Variants in TMEM59L observed in about 807,000 individuals in gnomAD.
TMEM59L encodes transmembrane protein 59 like, also known as transmembrane protein 59-like.
Under a neutral mutation model 39.6 loss-of-function variants are expected in TMEM59L, and 31 were observed. That is an observed-to-expected ratio of 0.78 (90% CI 0.59 to 1.06). TMEM59L has a LOEUF of 1.06. Among genes scored for constraint, TMEM59L ranks in the 50% least tolerant of loss-of-function variants. The pLI, the probability that TMEM59L is intolerant of heterozygous loss-of-function variation, is 0.00. For missense variants in TMEM59L, 441 were observed against 451.3 expected (o/e 0.98, Z 0.21); for synonymous variants, 219 against 202.9 (o/e 1.08, Z -0.68).
Position 18,620,617 on chromosome 19 carries a change from G to C in TMEM59L, c.*81G>C. 3 of 1,530,396 alleles carry C rather than the reference G, an allele frequency of 2.0e-6. No individual in the cohort carries two copies. Among genetic ancestry groups the C allele is most frequent in the Non-Finnish European group, 2.6e-6 (3 of 1,139,564 alleles). 94.8% of individuals were successfully genotyped at this position (1,530,396 alleles called of 1,614,324 possible). On this transcript the variant is annotated 3_prime_UTR_variant, in exon 8 of 8. Transcript: ENST00000262817. ...CCTGAGCCCAGGAGTCCAAGGGCAG[G>C]GTGGGTCCAGCCTTGAGCCCCTCCA...
Position 18,613,136 on chromosome 19 carries a change from C to A in TMEM59L, c.171+7C>A. The stretch of plus-strand genomic sequence containing the variant: ...CGGCCCGCAGCCCTCGCAGGTGAGG[C>A]GCGTGCGGTGCCAGGTGCCAGCGGG... On this transcript the variant is annotated splice_region_variant and intron_variant, in intron 1 of 7. Transcript: ENST00000262817. 1.6e-6 allele frequency: 2 copies of A among 1,275,452 alleles called. No homozygotes were observed. The highest frequency in any genetic ancestry group is 2.0e-6 in the Non-Finnish European group (2 of 1,013,814). 79.0% of individuals were successfully genotyped at this position (1,275,452 alleles called of 1,614,324 possible). A position where few individuals can be genotyped will look rare whatever the true frequency, so the allele number is the denominator to read the frequency against.
At position 18,618,391 on chromosome 19, in the gene TMEM59L, C is replaced by T. The variant is rs894311659; in HGVS notation, c.799C>T (p.Arg267Cys). The change falls in exon 7 of 8, where the codon CGC (arginine) becomes TGC (cysteine). Residue 267 changes from arginine (R) to cysteine (C), a missense_variant. Transcript: ENST00000262817. ...SCMSRRSGLP[R>C]WILACCLFLS... is the part of the protein sequence containing the mutation. ...GCGGGGCAGGCGCTCGGGTCTGCCTCGCTGGATCCTGGCCTGCTGCCTCTT... is the reference window on the plus strand; with the variant it reads ...GCGGGGCAGGCGCTCGGGTCTGCCTTGCTGGATCCTGGCCTGCTGCCTCTT... 3.1e-6 allele frequency: 5 copies of T among 1,605,532 alleles called. No homozygotes were observed. The highest frequency in any genetic ancestry group is 1.3e-5 in the African/African-American group (1 of 74,872).
chr19:18,617,575 TCATCTCCTAGGGTCATCTCCTAGGGTC>T, intron 5 of TMEM59L: 1 of 455,422 alleles, frequency 2.2e-6, no homozygotes, highest in Non-Finnish European at 4.4e-6. Flanking sequence ...TTCCATGGGT[TCATCTCCTAGGGTCATCTCCTAGGGTC>T]CATCTCCAAG....
intron 3 of TMEM59L, 119 bp from the exon 4 acceptor site, chr19:18,615,856 C>A: frequency 7.7e-7 from 1 of 1,299,700 alleles, no homozygotes. Context: ...GATCGGCCTG[C>A]CTCAGCCTTC....
intron 4 of TMEM59L, 67 bp downstream of exon 4, chr19:18,616,194 A>T: frequency 6.3e-7 from 1 of 1,588,210 alleles, no homozygotes; most frequent in Non-Finnish European, 8.6e-7. Context: ...GATGGGATGC[A>T]TTGGCTCTTA....
chr19:18,613,814 C>T, intron 1 of TMEM59L, 58 bp from the exon 2 acceptor site: 2 of 1,400,338 alleles, frequency 1.4e-6, no homozygotes, highest in Non-Finnish European at 1.0e-6. Flanking sequence ...GCTCCGGTCC[C>T]CCCACCCTCC....
chr19:18,617,997 A>G (rs891665052), intron 5 of TMEM59L, 158 bp from the exon 6 acceptor site: 2 of 682,582 alleles, frequency 2.9e-6, no homozygotes, highest in Non-Finnish European at 5.2e-6. Flanking sequence ...CCAGGGTTCC[A>G]TGGTCCCTGT....
intron 7 of TMEM59L, among the ~76,000 whole-genome samples, chr19:18,618,704 A>ATT (rs71166534): frequency 6.0e-4 from 83 of 139,152 alleles, no homozygotes; most frequent in Admixed American, 2.0e-3. Flanking sequence ...ATATATATAT[A>ATT]TTTTTTTTGA....
chr19:18,616,446 G>A (rs1421942548), intron 4 of TMEM59L, among the ~76,000 whole-genome samples: 1 of 152,014 alleles, frequency 6.6e-6, no homozygotes, highest in East Asian at 1.9e-4. Context: ...AAGATGGAGT[G>A]CAATGGCATG....
rs1295291726 is a variant in TMEM59L at position 18,620,483 on chromosome 19, T to C, written c.976T>C (p.Cys326Arg). 1 of 1,613,646 alleles carries C rather than the reference T, an allele frequency of 6.2e-7. No homozygotes were observed. Among genetic ancestry groups the C allele is most frequent in the African/African-American group, 1.3e-5 (1 of 74,918 alleles). ...WPLYPPPSHACEDSLPPYKLK... is the reference protein window; with the variant it reads ...WPLYPPPSHAREDSLPPYKLK... ...CCTGTACCCGCCGCCGTCCCACGCCTGTGAGGACAGCCTACCACCCTACAA... is the reference window on the plus strand; with the variant it reads ...CCTGTACCCGCCGCCGTCCCACGCCCGTGAGGACAGCCTACCACCCTACAA... Residue 326 changes from cysteine (C) to arginine (R), a missense_variant, in exon 8 of 8, where the codon TGT (cysteine) becomes CGT (arginine). Coordinates refer to ENST00000262817, the MANE Select transcript of TMEM59L (RefSeq NM_012109.3).
At chr19:18,615,593 C>CTCCTGTTAGTT (rs1976418729) in intron 3 of TMEM59L, among the ~76,000 whole-genome samples, 1 of 152,186 alleles carries the variant, frequency 6.6e-6, no homozygotes, top group Non-Finnish European at 1.5e-5. Context: ...CCTAGCTCCT[C>CTCCTGTTAGTT]TCCTGTTAGT....
Position 18,616,085 on chromosome 19 carries a change from A to G in TMEM59L, c.519A>G (p.Thr173=). The change falls in exon 4 of 8, where the codon ACA becomes ACG. Residue 173 remains threonine (T), a synonymous_variant. Transcript: ENST00000262817. ...SAQGFVSSTW[T]YYLQTDNGKV... ...AGGGATTTGTCTCCTCCACCTGGACATACTACTTGCAGACTGACAATGGGA... is the reference window on the plus strand; with the variant it reads ...AGGGATTTGTCTCCTCCACCTGGACGTACTACTTGCAGACTGACAATGGGA... The G allele has an allele frequency of 6.2e-7, 1 of 1,614,162 alleles. No individual in the cohort carries two copies. Among genetic ancestry groups the G allele is most frequent in the South Asian group, 1.1e-5 (1 of 91,084 alleles).
chr19:18,613,100 G>T lies in TMEM59L; in HGVS notation c.142G>T (p.Asp48Tyr). The change falls in exon 1 of 8, where the codon GAC becomes TAC. Residue 48 changes from aspartate to tyrosine, a missense_variant. Coordinates refer to ENST00000262817, the MANE Select transcript of TMEM59L (RefSeq NM_012109.3). ...GCAGAACTGCCAGCTGCGGTGCCGC[G>T]ACCGCGACCTCGGCCCGCAGCCCTC... Reference protein sequence around the residue: ...DTQNCQLRCRDRDLGPQPSQA... With the variant: ...DTQNCQLRCRYRDLGPQPSQA... 1 of 1,319,750 alleles carries T rather than the reference G, an allele frequency of 7.6e-7. No homozygotes were observed. The highest frequency in any genetic ancestry group is 9.6e-7 in the Non-Finnish European group (1 of 1,038,488). The allele number at this position is 1,319,750 out of a possible 1,614,324, so 81.8% of individuals were successfully genotyped here.
chr19:18,617,297 TCAGGGTTCCGTGGTCTACTTCC>T (rs1436587175), intron 5 of TMEM59L, 195 bp downstream of exon 5: 1 of 664,554 alleles, frequency 1.5e-6, no homozygotes, highest in Admixed American at 2.1e-5. Context: ...GGTCCACTTC[TCAGGGTTCCGTGGTCTACTTCC>T]CAGGGTTCCG....
intron 7 of TMEM59L, among the ~76,000 whole-genome samples, chr19:18,619,034 C>T (rs1976465628): frequency 6.6e-6 from 1 of 151,624 alleles, no homozygotes; most frequent in Non-Finnish European, 1.5e-5. Flanking sequence ...CTCTTTCACC[C>T]AGGATGGAGT....
At chr19:18,619,839 G>T (rs113924326) in intron 7 of TMEM59L, among the ~76,000 whole-genome samples, 1 of 151,164 alleles carries the variant, frequency 6.6e-6, no homozygotes, top group Non-Finnish European at 1.5e-5. Context: ...TTAGCTAGAC[G>T]TGGAGGTGCA....
Position 18,620,560 on chromosome 19 carries a change from C to A in TMEM59L, c.*24C>A, listed in dbSNP as rs780476389. 1 of 1,610,252 alleles carries A rather than the reference C, an allele frequency of 6.2e-7. No homozygotes were observed. The highest frequency in any genetic ancestry group is 1.1e-5 in the South Asian group (1 of 90,932). The stretch of plus-strand genomic sequence containing the variant: ...AGGCCTCCACTGGCCCCATCACTGC[C>A]AACTGCAGGGGGCCCCTCGGGCCTC... On this transcript the variant is annotated 3_prime_UTR_variant, in exon 8 of 8. Coordinates refer to ENST00000262817, the MANE Select transcript of TMEM59L (RefSeq NM_012109.3).
chr19:18,617,066 C>A lies in TMEM59L; in HGVS notation c.628C>A (p.Arg210=), dbSNP rs749681247. 3 of 1,613,252 alleles carry A rather than the reference C, an allele frequency of 1.9e-6. No homozygotes were observed. The highest frequency in any genetic ancestry group is 1.3e-5 in the African/African-American group (1 of 75,018). Reference sequence around the variant, plus strand: ...TCTGCAGCGCGTGGAGGTGACCTGGCGAGGCTCCCACCCTGAAGCCCTGGA... The same window carrying A: ...TCTGCAGCGCGTGGAGGTGACCTGGAGAGGCTCCCACCCTGAAGCCCTGGA... ...GRLQRVEVTW[R]GSHPEALEVH... is the part of the protein sequence containing the mutation. The change falls in exon 5 of 8, where the codon CGA becomes AGA. Residue 210 remains arginine (R), a synonymous_variant. Transcript: ENST00000262817.
chr19:18,618,606 T>C lies in TMEM59L; in HGVS notation c.900+114T>C, dbSNP rs1316650716. On this transcript the variant is annotated intron_variant, in intron 7 of 7. Coordinates refer to ENST00000262817, the MANE Select transcript of TMEM59L (RefSeq NM_012109.3). ...CCCATGGAGGCCAGGACCTCAGACA[T>C]TTTTTTCTTTTTTCATGTATATACA... 4 of 842,088 alleles carry C rather than the reference T, an allele frequency of 4.8e-6. No individual in the cohort carries two copies. In the African/African-American group the frequency reaches 5.2e-5, roughly 11 times the overall value. The allele number at this position is 842,088 out of a possible 1,614,324, so 52.2% of individuals were successfully genotyped here. A position where few individuals can be genotyped will look rare whatever the true frequency, so the allele number is the denominator to read the frequency against.
Sources: gnomAD v4.1 joint callset for allele counts (sites outside exome capture counted in the v4.1 genomes callset) on GRCh38, gnomAD v4.1.1 for gene constraint, MANE v1.5 for transcripts, NCBI Gene and HGNC (gene_info 2026-07-23, HGNC 2026-07-21) for gene names.